Variants in INPP4A observed in about 807,000 individuals in gnomAD.
INPP4A encodes the protein inositol polyphosphate-4-phosphatase type I A.
INPP4A carries 33 observed loss-of-function variants against 119.8 expected under a neutral mutation model. That is an observed-to-expected ratio of 0.28 (90% CI 0.21 to 0.37). INPP4A has a LOEUF of 0.37. INPP4A is among the 10% of genes least tolerant of loss of function. The pLI, the probability that INPP4A is intolerant of heterozygous loss-of-function variation, is 1.00. For synonymous variants in INPP4A, 496 were observed against 500.7 expected, an observed-to-expected ratio of 0.99 and a Z score of 0.12; for missense variants, 956 against 1,289.9, an observed-to-expected ratio of 0.74 and a Z score of 3.97.
intron 13 of INPP4A, among the ~76,000 whole-genome samples, chr2:98,549,697 G>C (rs1693147509): frequency 6.6e-6 from 1 of 152,170 alleles, no homozygotes; most frequent in South Asian, 2.1e-4. Context: ...GGCCCTGCTG[G>C]AGGTGTCAGG....
At chr2:98,539,235 C>G (rs1411917900) in intron 9 of INPP4A, among the ~76,000 whole-genome samples, 1 of 152,214 alleles carries the variant, frequency 6.6e-6, no homozygotes, top group Non-Finnish European at 1.5e-5. Context: ...CTTCATCTCA[C>G]TCTTTTCTGT....
rs182155629 is a variant in INPP4A, at chr2:98,503,442, G to A, written c.-165-15522G>A. Among the ~76,000 whole-genome samples, 7 of 152,290 alleles carry A rather than the reference G, an allele frequency of 4.6e-5. No individual in the cohort carries two copies. The East Asian group carries it at 1.4e-3, about 29-fold the overall frequency. On this transcript the variant is annotated intron_variant, in intron 1 of 24. Coordinates refer to ENST00000409851, the MANE Select transcript of INPP4A (RefSeq NM_001134225.2). Reference sequence around the variant, plus strand: ...CCTGAGTGAGTGCTTGTTGCTGGATGCACCTGTGCCTGTTCCTTTTGAAGT... The same window carrying A: ...CCTGAGTGAGTGCTTGTTGCTGGATACACCTGTGCCTGTTCCTTTTGAAGT...
At chr2:98,509,525 TG>T (rs1176260396) in intron 1 of INPP4A, among the ~76,000 whole-genome samples, 2 of 152,198 alleles carry the variant, frequency 1.3e-5, no homozygotes, top group African/African-American at 4.8e-5. Flanking sequence ...TCAATAAGGT[TG>T]GGGACTGCTG....
chr2:98,538,653 A>T (rs141430744), intron 8 of INPP4A, among the ~76,000 whole-genome samples: 140 of 152,320 alleles, frequency 9.2e-4, no homozygotes, highest in African/African-American at 3.2e-3. Context: ...ACACTGACAC[A>T]CAAGGTGAAG....
intron 1 of INPP4A, among the ~76,000 whole-genome samples, chr2:98,454,543 G>C (rs1254861370): frequency 6.6e-6 from 1 of 152,094 alleles, no homozygotes; most frequent in Non-Finnish European, 1.5e-5. Flanking sequence ...CAGTGCACTG[G>C]ACCGGTGCAA....
chr2:98,522,286 C>CA (rs199634396), intron 4 of INPP4A, among the ~76,000 whole-genome samples: 870 of 55,644 alleles, frequency 0.016, 4 homozygotes, highest in Non-Finnish European at 0.021. Context: ...GACTCTGTCT[C>CA]AAAAAAAAAA....
chr2:98,591,339 CTCAGGATTATT>C lies in INPP4A; in HGVS notation c.*3733_*3743del, dbSNP rs893523666. The C allele has an allele frequency of 6.5e-5, 10 of 154,908 alleles. No individual in the cohort carries two copies. The highest frequency in any genetic ancestry group is 2.4e-4 in the African/African-American group (10 of 41,526). The allele number at this position is 154,908 out of a possible 1,614,324, so 9.6% of individuals were successfully genotyped here. ...ACAGTTTCTACCTTCACTCTCATGT[CTCAGGATTATT>C]TTTTCAGCATTTACCTGTTCTTATT... On this transcript the variant is annotated 3_prime_UTR_variant, in exon 25 of 25. Coordinates refer to ENST00000409851, the MANE Select transcript of INPP4A (RefSeq NM_001134225.2).
intron 24 of INPP4A, among the ~76,000 whole-genome samples, chr2:98,583,099 A>G (rs1189989860): frequency 1.3e-5 from 2 of 152,272 alleles, no homozygotes; most frequent in African/African-American, 4.8e-5. Context: ...CACCTACTGC[A>G]TGTGACTTTA....
chr2:98,451,954 C>T (rs1695308257), intron 1 of INPP4A, among the ~76,000 whole-genome samples: 1 of 152,176 alleles, frequency 6.6e-6, no homozygotes, highest in Admixed American at 6.5e-5. Flanking sequence ...TTTATTATCT[C>T]AGAGAACTGG....
chr2:98,454,631 T>A (rs560793449), intron 1 of INPP4A, among the ~76,000 whole-genome samples: 1 of 152,062 alleles, frequency 6.6e-6, no homozygotes, highest in Non-Finnish European at 1.5e-5. Context: ...TTTTCACATG[T>A]GCTCAAAGGG....
Position 98,559,457 on chromosome 2 carries a change from G to T in INPP4A, c.1823-6G>T, listed in dbSNP as rs766058441. ...ATCATCCATGTCGCCCTCCATTTCTGTGCAGATTGCAGTCCCCCTCCTGAA... is the reference window on the plus strand; with the variant it reads ...ATCATCCATGTCGCCCTCCATTTCTTTGCAGATTGCAGTCCCCCTCCTGAA... On this transcript the variant is annotated splice_region_variant and splice_polypyrimidine_tract_variant and intron_variant, in intron 16 of 24. Coordinates refer to ENST00000409851, the MANE Select transcript of INPP4A (RefSeq NM_001134225.2). 1.1e-5 allele frequency: 18 copies of T among 1,613,858 alleles called. No homozygotes were observed. The highest frequency in any genetic ancestry group is 1.5e-5 in the Non-Finnish European group (18 of 1,179,872).
chr2:98,530,111 T>G lies in INPP4A; in HGVS notation c.152-3266T>G, dbSNP rs140373940. 5.3e-3 allele frequency among the ~76,000 whole-genome samples: 805 copies of G among 151,538 alleles called. 12 individuals carry two copies. The highest frequency in any genetic ancestry group is 0.018 in the African/African-American group (748 of 41,266). On this transcript the variant is annotated intron_variant, in intron 4 of 24. Transcript: ENST00000409851. ...ATTCCAGCTGCCAGGCATCTCCTTA[T>G]GAGACTAACAAATTCTAAGGAGAAA... is the stretch of plus-strand genomic sequence containing the variant.
intron 1 of INPP4A, among the ~76,000 whole-genome samples, chr2:98,495,019 G>A (rs1681646957): frequency 6.6e-6 from 1 of 152,158 alleles, no homozygotes; most frequent in South Asian, 2.1e-4. Flanking sequence ...TCAGAGGTTG[G>A]GTGGGGAGGG....
chr2:98,498,715 G>A lies in INPP4A; in HGVS notation c.-165-20249G>A, dbSNP rs75142975. On this transcript the variant is annotated intron_variant, in intron 1 of 24. Transcript: ENST00000409851. ...CAATGTGACCGTATTTGGAGATGGC[G>A]TCTGTAAAGAGATAATTAAGGTTAA... is the stretch of plus-strand genomic sequence containing the variant. Among the ~76,000 whole-genome samples the A allele has an allele frequency of 4.0e-3, 603 of 152,264 alleles. 4 individuals are homozygous for A. The highest frequency in any genetic ancestry group is 0.014 in the African/African-American group (563 of 41,548).
intron 22 of INPP4A, among the ~76,000 whole-genome samples, chr2:98,571,255 C>A (rs1697387396): frequency 6.6e-6 from 1 of 152,220 alleles, no homozygotes; most frequent in Admixed American, 6.5e-5. Context: ...GGTTTCACAC[C>A]CACTTGGCAG....
In INPP4A at chr2:98,592,733, C is replaced by G. The variant is rs1282611450; in HGVS notation, c.*5125C>G. 1 of 152,444 alleles carries G rather than the reference C, an allele frequency of 6.6e-6. No homozygotes were observed. The highest frequency in any genetic ancestry group is 1.5e-5 in the Non-Finnish European group (1 of 68,188). The allele number at this position is 152,444 out of a possible 1,614,324, so 9.4% of individuals were successfully genotyped here. ...AGGCTGTCTGCTCCCAATAGTGGCCCTGGCTGCAACTGACCTCCTGATGCC... is the reference window on the plus strand; with the variant it reads ...AGGCTGTCTGCTCCCAATAGTGGCCGTGGCTGCAACTGACCTCCTGATGCC... On this transcript the variant is annotated 3_prime_UTR_variant, in exon 25 of 25. Transcript: ENST00000409851.
At chr2:98,471,984 G>T (rs1676121582) in intron 1 of INPP4A, among the ~76,000 whole-genome samples, 1 of 152,216 alleles carries the variant, frequency 6.6e-6, no homozygotes, top group African/African-American at 2.4e-5. Context: ...GTGCTGGAGG[G>T]CCACCTGTCC....
chr2:98,488,935 C>CTGTG (rs55758146), intron 1 of INPP4A, among the ~76,000 whole-genome samples: 3,067 of 126,076 alleles, frequency 0.024, 69 homozygotes, highest in African/African-American at 0.039. Context: ...AGTACATGCA[C>CTGTG]TGTGTGTGTG....
rs2106576425 is a variant in INPP4A, at chr2:98,590,046, A to G, written c.*2438A>G. Reference sequence around the variant, plus strand: ...TTTTGGGCAGTATTACTATATATATATAAACATACAGTTACTGTTTTATAT... The same window carrying G: ...TTTTGGGCAGTATTACTATATATATGTAAACATACAGTTACTGTTTTATAT... On this transcript the variant is annotated 3_prime_UTR_variant, in exon 25 of 25. Coordinates refer to ENST00000409851, the MANE Select transcript of INPP4A (RefSeq NM_001134225.2). 1 of 190,168 alleles carries G rather than the reference A, an allele frequency of 5.3e-6. No individual in the cohort carries two copies. The highest frequency in any genetic ancestry group is 8.4e-5 in the East Asian group (1 of 11,868). 11.8% of individuals were successfully genotyped at this position (190,168 alleles called of 1,614,324 possible). A position where few individuals can be genotyped will look rare whatever the true frequency, so the allele number is the denominator to read the frequency against.
Sources: gnomAD v4.1 joint callset for allele counts (sites outside exome capture counted in the v4.1 genomes callset) on GRCh38, gnomAD v4.1.1 for gene constraint, MANE v1.5 for transcripts, NCBI Gene and HGNC (gene_info 2026-07-23, HGNC 2026-07-21) for gene names.